The following RALYL variants were observed in gnomAD, a reference collection of about 807,000 sequenced individuals.
RALYL encodes RALY RNA binding protein like.
Under a neutral mutation model 35.1 loss-of-function variants are expected in RALYL, and 29 were observed. That is an observed-to-expected ratio of 0.83 (90% CI 0.61 to 1.13). The LOEUF is 1.13. Among genes scored for constraint, RALYL ranks in the 50% most tolerant of loss-of-function variants. The pLI, the probability that RALYL is intolerant of heterozygous loss-of-function variation, is 0.00. For missense variants in RALYL, 359 were observed against 360.4 expected, an observed-to-expected ratio of 1.00 and a Z score of 0.03; for synonymous variants, 120 against 127.6, an observed-to-expected ratio of 0.94 and a Z score of 0.40.
chr8:84,604,322 G>A, intron 2 of RALYL, among the ~76,000 whole-genome samples: 1 of 152,034 alleles, frequency 6.6e-6, no homozygotes, highest in East Asian at 1.9e-4. Context: ...CTCGATTTTG[G>A]CTGCCTTTTG....
chr8:84,529,282 T>C lies in RALYL; in HGVS notation c.-23-17T>C, dbSNP rs1209232926. On this transcript the variant is annotated splice_polypyrimidine_tract_variant and intron_variant, in intron 1 of 8. Transcript: ENST00000521268. ...CCTTTTGATTATTTGTTTTGTTTGTTTGTTTGTTTGTTTAAGGATTAAAGC... is the reference window on the plus strand; with the variant it reads ...CCTTTTGATTATTTGTTTTGTTTGTCTGTTTGTTTGTTTAAGGATTAAAGC... 1 of 1,547,836 alleles carries C rather than the reference T, an allele frequency of 6.5e-7. No homozygotes were observed. The highest frequency in any genetic ancestry group is 2.4e-5 in the East Asian group (1 of 40,968).
chr8:84,547,756 A>G (rs2060461155), intron 2 of RALYL, among the ~76,000 whole-genome samples: 1 of 152,128 alleles, frequency 6.6e-6, no homozygotes, highest in Non-Finnish European at 1.5e-5. Context: ...TCTTTGTGGG[A>G]TAATATGCCA....
At chr8:84,435,835 C>G (rs2047653538) in intron 1 of RALYL, among the ~76,000 whole-genome samples, 1 of 152,128 alleles carries the variant, frequency 6.6e-6, no homozygotes, top group Non-Finnish European at 1.5e-5. Flanking sequence ...AGGACCCAGT[C>G]TTTCCTACTC....
At chr8:84,773,652 G>T (rs1816113449) in intron 2 of RALYL, among the ~76,000 whole-genome samples, 1 of 152,158 alleles carries the variant, frequency 6.6e-6, no homozygotes, top group Non-Finnish European at 1.5e-5. Context: ...TGAAGGCAAA[G>T]TATGTGCTCT....
intron 2 of RALYL, among the ~76,000 whole-genome samples, chr8:84,749,959 G>C (rs1809556856): frequency 1.3e-5 from 2 of 152,140 alleles, no homozygotes; most frequent in African/African-American, 2.4e-5. Flanking sequence ...ATACCTTGGG[G>C]TCACATAAAT....
chr8:84,415,484 C>T (rs1036655461), intron 1 of RALYL, among the ~76,000 whole-genome samples: 8 of 152,106 alleles, frequency 5.3e-5, no homozygotes, highest in South Asian at 2.1e-4. Flanking sequence ...ATGATCGACC[C>T]GCCTCGGCCT....
At chr8:84,575,239 G>T (rs1278356395) in intron 2 of RALYL, among the ~76,000 whole-genome samples, 2 of 151,868 alleles carry the variant, frequency 1.3e-5, no homozygotes, top group African/African-American at 4.8e-5. Flanking sequence ...CCAATTATTT[G>T]TTTATAAACA....
At chr8:84,469,713 C>T (rs1208542600) in intron 1 of RALYL, among the ~76,000 whole-genome samples, 1 of 152,186 alleles carries the variant, frequency 6.6e-6, no homozygotes, top group African/African-American at 2.4e-5. Flanking sequence ...CAAGCCTGGG[C>T]AATGGCAGGC....
At chr8:84,401,824 CTT>C (rs747272137) in intron 1 of RALYL, among the ~76,000 whole-genome samples, 1 of 144,306 alleles carries the variant, frequency 6.9e-6, no homozygotes, top group African/African-American at 2.5e-5. Context: ...TGCAGTAAAA[CTT>C]TTTTTTTTTT....
At chr8:84,380,113 A>G (rs1266252652) in intron 1 of RALYL, among the ~76,000 whole-genome samples, 5 of 151,310 alleles carry the variant, frequency 3.3e-5, no homozygotes, top group Non-Finnish European at 5.9e-5. Flanking sequence ...CTGTAGAAAG[A>G]GCATGCGTTT....
intron 4 of RALYL, among the ~76,000 whole-genome samples, chr8:84,809,700 T>G (rs906788223): frequency 6.6e-6 from 1 of 152,152 alleles, no homozygotes; most frequent in African/African-American, 2.4e-5. Flanking sequence ...TCTTCCTGAT[T>G]TAAGCCAAGA....
intron 1 of RALYL, among the ~76,000 whole-genome samples, chr8:84,410,860 T>TAA (rs2044029368): frequency 6.6e-6 from 1 of 151,814 alleles, no homozygotes; most frequent in Non-Finnish European, 1.5e-5. Flanking sequence ...TAAGAGTTTA[T>TAA]ATTCTGCTTG....
chr8:84,422,810 A>G (rs1277614554), intron 1 of RALYL, among the ~76,000 whole-genome samples: 2 of 146,676 alleles, frequency 1.4e-5, no homozygotes, highest in Non-Finnish European at 3.0e-5. Flanking sequence ...TTATGTACCC[A>G]GTAGTCATTC....
intron 2 of RALYL, among the ~76,000 whole-genome samples, chr8:84,644,438 A>G (rs930052977): frequency 6.6e-6 from 1 of 152,064 alleles, no homozygotes; most frequent in Non-Finnish European, 1.5e-5. Flanking sequence ...TGACATTCTA[A>G]TAAGAAACTT....
intron 1 of RALYL, among the ~76,000 whole-genome samples, chr8:84,275,993 C>T (rs1034980532): frequency 1.6e-4 from 24 of 152,010 alleles, no homozygotes; most frequent in African/African-American, 4.3e-4. Context: ...AGTCTGCACT[C>T]GGTGGCATAT....
chr8:84,920,601 T>C (rs1991350), intron 8 of RALYL, among the ~76,000 whole-genome samples: 45,308 of 151,882 alleles, frequency 0.3, 7,266 homozygotes, highest in East Asian at 0.61. Context: ...CTTTAAGTGG[T>C]TCCTCCTTTG....
chr8:84,424,861 CG>C (rs2046159539), intron 1 of RALYL, among the ~76,000 whole-genome samples: 1 of 151,636 alleles, frequency 6.6e-6, no homozygotes. Flanking sequence ...TTAGGCTGCT[CG>C]GGGGTCAGGG....
chr8:84,395,960 T>C (rs1038070494), intron 1 of RALYL, among the ~76,000 whole-genome samples: 1 of 151,990 alleles, frequency 6.6e-6, no homozygotes, highest in Non-Finnish European at 1.5e-5. Context: ...TAATATCTAA[T>C]TTGAAGTTTT....
At chr8:84,249,094 C>T (rs1418669128) in intron 1 of RALYL, among the ~76,000 whole-genome samples, 2 of 151,576 alleles carry the variant, frequency 1.3e-5, no homozygotes, top group Non-Finnish European at 2.9e-5. Context: ...ACTGTGTTGG[C>T]AATATTGAGG....
Sources: allele counts gnomAD v4.1 joint callset (sites outside exome capture counted in the v4.1 genomes callset), GRCh38; gene constraint gnomAD v4.1.1; transcripts MANE v1.5; gene names NCBI Gene and HGNC (gene_info 2026-07-23, HGNC 2026-07-21).